Variants in PUM2 observed in about 807,000 individuals in gnomAD.
PUM2 encodes the protein pumilio homolog 2.
Under a neutral mutation model 124.5 loss-of-function variants are expected in PUM2, and 57 were observed. The ratio of observed to expected loss-of-function variants is 0.46; its 90% CI spans 0.37 to 0.57. The LOEUF (loss-of-function observed/expected upper bound fraction) is 0.57, where lower values mean the gene tolerates loss of function less well. Ranked by LOEUF, PUM2 falls within the 20% of genes least tolerant of loss-of-function variation. PUM2 has a pLI of 0.00. For missense variants in PUM2, 1,065 were observed against 1,290.6 expected (o/e 0.83, Z 2.68); for synonymous variants, 460 against 446.1 (o/e 1.03, Z -0.39).
At chr2:20,344,044 G>A (rs746646936) in intron 1 of PUM2, among the ~76,000 whole-genome samples, 13 of 148,664 alleles carry the variant, frequency 8.7e-5, no homozygotes, top group Non-Finnish European at 1.5e-4. Context: ...AGGTTTCATA[G>A]TATCATTTTA....
chr2:20,279,345 T>C (rs1443736091), intron 12 of PUM2, among the ~76,000 whole-genome samples: 1 of 152,200 alleles, frequency 6.6e-6, no homozygotes, highest in African/African-American at 2.4e-5. Context: ...GGCCCGAATA[T>C]TGATCAGTTG....
chr2:20,251,765 G>A (rs376088574), intron 20 of PUM2, 49 bp from the exon 21 acceptor site: 9 of 1,587,142 alleles, frequency 5.7e-6, no homozygotes, highest in Non-Finnish European at 7.8e-6. Context: ...TTTAGTTTCT[G>A]ATTTCTTAAA....
chr2:20,296,482 G>A (rs184125089), intron 8 of PUM2, among the ~76,000 whole-genome samples: 8 of 146,018 alleles, frequency 5.5e-5, no homozygotes, highest in East Asian at 2.0e-4. Flanking sequence ...GCAACAGAGC[G>A]AGACTCTGTC....
intron 13 of PUM2, among the ~76,000 whole-genome samples, chr2:20,264,198 G>C (rs576426648): frequency 6.7e-6 from 1 of 148,860 alleles, no homozygotes; most frequent in Non-Finnish European, 1.5e-5. Flanking sequence ...TTAGCCAGGC[G>C]TGGTGGCGGG....
intron 2 of PUM2, chr2:20,326,368 T>C (rs1392295165): frequency 1.5e-6 from 2 of 1,304,258 alleles, no homozygotes; most frequent in Non-Finnish European, 2.0e-6. Context: ...AAGGAGAGAC[T>C]TGGACTCTTT....
intron 1 of PUM2, among the ~76,000 whole-genome samples, chr2:20,335,535 A>G (rs1046963421): frequency 3.9e-5 from 6 of 152,208 alleles, no homozygotes; most frequent in African/African-American, 1.4e-4. Context: ...ACAGTTTTTC[A>G]GTGACGAACA....
chr2:20,264,367 A>AATATATATATATATATATATATAT (rs1553362304), intron 13 of PUM2, among the ~76,000 whole-genome samples: 24 of 26,594 alleles, frequency 9.0e-4, no homozygotes, highest in Admixed American at 4.1e-3. Flanking sequence ...AAAAAAAAAA[A>AATATATATATATATATATATATAT]ATATATATAT....
rs1689245307 is a variant in PUM2, at chr2:20,350,839, T to C, written c.-261A>G. 6 of 941,350 alleles carry C rather than the reference T, an allele frequency of 6.4e-6. No individual in the cohort carries two copies. Among genetic ancestry groups the C allele is most frequent in the African/African-American group, 1.8e-5 (1 of 55,114 alleles). The allele number at this position is 941,350 out of a possible 1,614,324, so 58.3% of individuals were successfully genotyped here. A position where few individuals can be genotyped will look rare whatever the true frequency, so the allele number is the denominator to read the frequency against. ...ACATGGCTGCCACCGCCGCCTGCCCTCCCCTCCCCCCCGCCCACCGGGCGC... is the reference window on the plus strand; with the variant it reads ...ACATGGCTGCCACCGCCGCCTGCCCCCCCCTCCCCCCCGCCCACCGGGCGC... On this transcript the variant is annotated 5_prime_UTR_variant, in exon 1 of 21. Coordinates refer to ENST00000361078, the MANE Select transcript of PUM2 (RefSeq NM_015317.5).
rs917759293 is a variant in PUM2 at position 20,253,818 on chromosome 2, T to C, written c.3063+4A>G. The C allele has an allele frequency of 6.2e-7, 1 of 1,606,986 alleles. No individual in the cohort carries two copies. The highest frequency in any genetic ancestry group is 2.2e-5 in the East Asian group (1 of 44,820). On this transcript the variant is annotated splice_donor_region_variant and intron_variant, in intron 20 of 20. Coordinates refer to ENST00000361078, the MANE Select transcript of PUM2 (RefSeq NM_015317.5). Reference sequence around the variant, plus strand: ...AGTTATCTGAGTGTTACATGCTGTATTACCTTGTGCATGATTATCTTTCTC... The same window carrying C: ...AGTTATCTGAGTGTTACATGCTGTACTACCTTGTGCATGATTATCTTTCTC...
Position 20,316,846 on chromosome 2 carries a change from C to G in PUM2, c.160+1691G>C, listed in dbSNP as rs72493373. 2.4e-4 allele frequency among the ~76,000 whole-genome samples: 36 copies of G among 152,290 alleles called. No individual in the cohort carries two copies. The East Asian group carries it at 7.0e-3, about 29-fold the overall frequency. On this transcript the variant is annotated intron_variant, in intron 3 of 20. Transcript: ENST00000361078. ...AAGATTTCGAGACCAGCCTGGCTAACATGGCGAAACTCCATCTTTACGAAA... is the reference window on the plus strand; with the variant it reads ...AAGATTTCGAGACCAGCCTGGCTAAGATGGCGAAACTCCATCTTTACGAAA...
chr2:20,283,392 C>T lies in PUM2; in HGVS notation c.1386G>A (p.Arg462=), dbSNP rs940160261. ...GARTGLGAPV[R]LMAPTPVLIS... ...TTAAAACAGGTGTTGGAGCCATTAA[C>T]CGAACTGGAGCTCCAAGGCCAGTCC... Residue 462 remains arginine (R), a synonymous_variant, in exon 11 of 21, where the codon CGG becomes CGA. Coordinates refer to ENST00000361078, the MANE Select transcript of PUM2 (RefSeq NM_015317.5). 5 of 1,613,974 alleles carry T rather than the reference C, an allele frequency of 3.1e-6. No individual in the cohort carries two copies. In the African/African-American group the frequency reaches 5.3e-5, roughly 17 times the overall value.
chr2:20,343,061 G>A (rs1180158309), intron 1 of PUM2, among the ~76,000 whole-genome samples: 3 of 151,970 alleles, frequency 2.0e-5, no homozygotes, highest in Non-Finnish European at 2.9e-5. Flanking sequence ...CAATCCTCCT[G>A]CCTCAACCTC....
chr2:20,264,013 C>T (rs368363553), intron 13 of PUM2, among the ~76,000 whole-genome samples: 2 of 151,940 alleles, frequency 1.3e-5, no homozygotes, highest in Admixed American at 6.6e-5. Flanking sequence ...AAATTATACA[C>T]TATTTTAAGA....
At position 20,283,243 on chromosome 2, in the gene PUM2, A is replaced by T. The variant is rs777449905; in HGVS notation, c.1436-12T>A. ...TGCTGCTGCTGCTGCTGTAAAATAA[A>T]TTTCAGATACTTCTTTAAACCACCC... On this transcript the variant is annotated splice_polypyrimidine_tract_variant and intron_variant, in intron 11 of 20. Coordinates refer to ENST00000361078, the MANE Select transcript of PUM2 (RefSeq NM_015317.5). 8 of 1,610,252 alleles carry T rather than the reference A, an allele frequency of 5.0e-6. No homozygotes were observed. The highest frequency in any genetic ancestry group is 6.8e-6 in the Non-Finnish European group (8 of 1,177,534).
At position 20,283,394 on chromosome 2, in the gene PUM2, G is replaced by A. The variant is rs753225687; in HGVS notation, c.1384C>T (p.Arg462Trp). 6.2e-7 allele frequency: 1 copy of A among 1,613,960 alleles called. No individual in the cohort carries two copies. Among genetic ancestry groups the A allele is most frequent in the African/African-American group, 1.3e-5 (1 of 74,922 alleles). ...AAAACAGGTGTTGGAGCCATTAACC[G>A]AACTGGAGCTCCAAGGCCAGTCCTT... ...GARTGLGAPVRLMAPTPVLIS... is the reference protein window; with the variant it reads ...GARTGLGAPVWLMAPTPVLIS... Residue 462 changes from arginine (R) to tryptophan (W), a missense_variant, in exon 11 of 21, where the codon CGG becomes TGG. This residue lies in a region of PUM2 where 968 missense variants were observed against 1,159.8 expected (regional missense o/e 0.83). Transcript: ENST00000361078.
chr2:20,347,782 A>G (rs1259810243), intron 1 of PUM2, among the ~76,000 whole-genome samples: 1 of 152,160 alleles, frequency 6.6e-6, no homozygotes, highest in Non-Finnish European at 1.5e-5. Context: ...CACACTCCAT[A>G]ATTATTCTAA....
intron 3 of PUM2, among the ~76,000 whole-genome samples, chr2:20,316,886 C>T (rs1681073754): frequency 6.6e-6 from 1 of 152,036 alleles, no homozygotes; most frequent in African/African-American, 2.4e-5. Flanking sequence ...TGAAAATTAG[C>T]AGGCTGTGGT....
At chr2:20,335,344 T>C (rs1020804973) in intron 1 of PUM2, among the ~76,000 whole-genome samples, 7 of 152,262 alleles carry the variant, frequency 4.6e-5, no homozygotes, top group African/African-American at 1.7e-4. Flanking sequence ...TTATTGCAAA[T>C]CTGCCAACAA....
chr2:20,290,598 C>G, intron 10 of PUM2, 54 bp downstream of exon 10: 1 of 1,526,440 alleles, frequency 6.6e-7, no homozygotes, highest in Non-Finnish European at 8.8e-7. Flanking sequence ...GTGTGAGTAC[C>G]TACACTTAAC....
Sources: allele counts gnomAD v4.1 joint callset (sites outside exome capture counted in the v4.1 genomes callset), GRCh38; gene constraint gnomAD v4.1.1; regional missense constraint gnomAD v4.1.1; transcripts MANE v1.5; gene names NCBI Gene and HGNC (gene_info 2026-07-23, HGNC 2026-07-21).